DCC: variants seen among roughly 807,000 people sequenced by gnomAD.
DCC encodes DCC netrin 1 receptor.
DCC carries 58 observed loss-of-function variants against 172.5 expected under a neutral mutation model. The ratio of observed to expected loss-of-function variants is 0.34; its 90% CI spans 0.27 to 0.42. The LOEUF (loss-of-function observed/expected upper bound fraction) is 0.42. DCC is among the 10% of genes least tolerant of loss of function. The pLI is 1.00. For missense variants in DCC, 1,740 were observed against 1,791.0 expected, an observed-to-expected ratio of 0.97 and a Z score of 0.51; for synonymous variants, 709 against 644.5, an observed-to-expected ratio of 1.10 and a Z score of -1.52.
chr18:53,171,314 G>A (rs1465207209), intron 8 of DCC, among the ~76,000 whole-genome samples: 1 of 152,160 alleles, frequency 6.6e-6, no homozygotes, highest in Non-Finnish European at 1.5e-5. Context: ...GGAAACCAGT[G>A]ATCAACCCAG....
chr18:53,160,252 C>T (rs570288487), intron 8 of DCC, among the ~76,000 whole-genome samples: 32 of 152,144 alleles, frequency 2.1e-4, no homozygotes, highest in Non-Finnish European at 3.5e-4. Flanking sequence ...TCACTGCAAC[C>T]TCTCATTATC....
Position 52,863,870 on chromosome 18 carries a change from G to A in DCC, c.413-42174G>A, listed in dbSNP as rs527860714. On this transcript the variant is annotated intron_variant, in intron 2 of 28. Coordinates refer to ENST00000442544, the MANE Select transcript of DCC (RefSeq NM_005215.4). ...AGCAAGGACCTTAAAGGACCTTAAAGTTAGAAACATACATATTTCATTGAT... is the reference window on the plus strand; with the variant it reads ...AGCAAGGACCTTAAAGGACCTTAAAATTAGAAACATACATATTTCATTGAT... Among the ~76,000 whole-genome samples the A allele has an allele frequency of 9.2e-5, 14 of 152,046 alleles. No individual in the cohort carries two copies. The South Asian group carries it at 2.9e-3, about 32-fold the overall frequency.
chr18:53,527,097 GTGT>G, intron 28 of DCC: 1 of 54,682 alleles, frequency 1.8e-5, no homozygotes, highest in Non-Finnish European at 3.4e-5. Flanking sequence ...ATACGTGTGT[GTGT>G]GTGTGTGTGT....
intron 3 of DCC, among the ~76,000 whole-genome samples, chr18:52,916,211 T>C (rs1392931869): frequency 4.1e-4 from 1 of 2,426 alleles, no homozygotes; most frequent in Non-Finnish European, 4.3e-3. Flanking sequence ...TTAGCTACCT[T>C]TTTTTTTTTT....
chr18:52,967,540 C>G (rs1457102197), intron 5 of DCC, among the ~76,000 whole-genome samples: 2 of 152,144 alleles, frequency 1.3e-5, no homozygotes, highest in African/African-American at 4.8e-5. Context: ...TTGCACCATT[C>G]TAAGACTTTG....
At position 52,712,857 on chromosome 18, in the gene DCC, G is replaced by A. The variant is rs922109201; in HGVS notation, c.92-39197G>A. ...GGATATGTTTAAAAGGGCTGAGTGT[G>A]TAGAGTTGCTGAGCAAAGGAGAGCT... On this transcript the variant is annotated intron_variant, in intron 1 of 28. Transcript: ENST00000442544. Among the ~76,000 whole-genome samples, 7 of 152,320 alleles carry A rather than the reference G, an allele frequency of 4.6e-5. 1 individual carries two copies. The South Asian group carries it at 1.4e-3, about 32-fold the overall frequency.
chr18:52,884,432 T>C (rs1004510468), intron 2 of DCC, among the ~76,000 whole-genome samples: 1 of 152,072 alleles, frequency 6.6e-6, no homozygotes, highest in Non-Finnish European at 1.5e-5. Context: ...TAGCCTGCCT[T>C]CAAGTTCACT....
At chr18:53,517,521 G>A (rs2046350559) in intron 27 of DCC, among the ~76,000 whole-genome samples, 1 of 151,662 alleles carries the variant, frequency 6.6e-6, no homozygotes, top group Non-Finnish European at 1.5e-5. Flanking sequence ...TCAAGCCCAA[G>A]CAGGTTTAAA....
intron 7 of DCC, among the ~76,000 whole-genome samples, chr18:53,074,134 A>G (rs1330449963): frequency 6.6e-6 from 1 of 152,194 alleles, no homozygotes; most frequent in African/African-American, 2.4e-5. Context: ...CTGGTGGAGA[A>G]TTAAGTTAAA....
At chr18:52,844,666 C>CA (rs2038858313) in intron 2 of DCC, among the ~76,000 whole-genome samples, 1 of 152,048 alleles carries the variant, frequency 6.6e-6, no homozygotes, top group Non-Finnish European at 1.5e-5. Context: ...AGAAGTGACA[C>CA]AAATACATAT....
intron 14 of DCC, among the ~76,000 whole-genome samples, chr18:53,333,997 A>G (rs73957150): frequency 0.046 from 7,065 of 152,204 alleles, 591 homozygotes; most frequent in African/African-American, 0.16. Flanking sequence ...ATCAACCAAC[A>G]GTTACCAAGT....
At position 53,374,648 on chromosome 18, in the gene DCC, C is replaced by A. The variant is rs76965090; in HGVS notation, c.2360-11395C>A. On this transcript the variant is annotated intron_variant, in intron 15 of 28. Coordinates refer to ENST00000442544, the MANE Select transcript of DCC (RefSeq NM_005215.4). ...AAATATAAAAGATAGTCAACCATGA[C>A]ATATGCTAACATACTATGATGTTAG... Among the ~76,000 whole-genome samples, 133 of 152,186 alleles carry A rather than the reference C, an allele frequency of 8.7e-4. 3 individuals carry two copies. The East Asian group carries it at 0.024, about 28-fold the overall frequency.
intron 2 of DCC, among the ~76,000 whole-genome samples, chr18:52,878,196 T>C (rs531086225): frequency 2.6e-5 from 4 of 152,336 alleles, no homozygotes; most frequent in Admixed American, 6.5e-5. Flanking sequence ...AAGCAATTTC[T>C]GATCATGTGC....
intron 13 of DCC, among the ~76,000 whole-genome samples, chr18:53,318,756 T>G (rs1473262965): frequency 1.3e-5 from 2 of 148,796 alleles, no homozygotes; most frequent in African/African-American, 5.0e-5. Flanking sequence ...CGTTGGGTTT[T>G]TTTTTTTTTT....
rs201923451 is a variant in DCC, at chr18:53,422,097, C to A, written c.3163+5941C>A. 7.2e-5 allele frequency among the ~76,000 whole-genome samples: 11 copies of A among 152,148 alleles called. No homozygotes were observed. The East Asian group carries it at 2.1e-3, about 29-fold the overall frequency. On this transcript the variant is annotated intron_variant, in intron 21 of 28. Coordinates refer to ENST00000442544, the MANE Select transcript of DCC (RefSeq NM_005215.4). ...TAAGGAAAAGCACTCAGATCACATA[C>A]ATTTATTCCAGGAACTGTCTTGTGA...
Position 52,906,310 on chromosome 18 carries a change from G to A in DCC, c.679G>A (p.Glu227Lys). The A allele has an allele frequency of 6.2e-7, 1 of 1,613,946 alleles. No individual in the cohort carries two copies. The highest frequency in any genetic ancestry group is 8.5e-7 in the Non-Finnish European group (1 of 1,180,022). The change falls in exon 3 of 29, where the codon GAA becomes AAA. Residue 227 changes from glutamate to lysine, a missense_variant. Physicochemically the swap from Glu to Lys is moderately conservative, Grantham distance 56. Around this residue, in one of 2 missense-constraint regions of DCC, gnomAD observed 1,732 missense variants for 1,767.4 expected, o/e 0.98. Coordinates refer to ENST00000442544, the MANE Select transcript of DCC (RefSeq NM_005215.4). Reference protein sequence around the residue: ...PASSRTGNEAEVRILSDPGLH... With the variant: ...PASSRTGNEAKVRILSDPGLH... ...CAGCTCAAGAACAGGAAATGAAGCA[G>A]AAGTCAGAATTTTATCAGGTATTGC...
At chr18:52,894,028 A>C (rs1378825716) in intron 2 of DCC, among the ~76,000 whole-genome samples, 1 of 152,134 alleles carries the variant, frequency 6.6e-6, no homozygotes, top group Non-Finnish European at 1.5e-5. Context: ...CTTTAGATTC[A>C]CTGTTTTTTC....
rs146458199 is a variant in DCC, at chr18:53,357,015, T to C, written c.2359+17108T>C. ...ATCCAAAGTCTCAAAATTACTGTTT[T>C]ACATATTTTGTCTGTTTGCTTTTTA... On this transcript the variant is annotated intron_variant, in intron 15 of 28. Coordinates refer to ENST00000442544, the MANE Select transcript of DCC (RefSeq NM_005215.4). Among the ~76,000 whole-genome samples the C allele has an allele frequency of 5.3e-5, 8 of 152,316 alleles. No individual in the cohort carries two copies. In the East Asian group the frequency reaches 1.2e-3, roughly 22 times the overall value.
intron 17 of DCC, among the ~76,000 whole-genome samples, chr18:53,392,695 G>T (rs1367552261): frequency 6.6e-6 from 1 of 152,202 alleles, no homozygotes; most frequent in Non-Finnish European, 1.5e-5. Context: ...TAGTTGTCAA[G>T]AACCTACTAT....
Sources: allele counts gnomAD v4.1 joint callset (sites outside exome capture counted in the v4.1 genomes callset), GRCh38; gene constraint gnomAD v4.1.1; regional missense constraint gnomAD v4.1.1; transcripts MANE v1.5; gene names NCBI Gene and HGNC (gene_info 2026-07-23, HGNC 2026-07-21).